Variants in ZNF568 observed in about 807,000 individuals in gnomAD.
ZNF568 encodes the protein zinc finger protein 568.
Under a neutral mutation model 18.1 loss-of-function variants are expected in ZNF568, and 11 were observed. The ratio of observed to expected loss-of-function variants is 0.61; its 90% CI spans 0.38 to 1.00. ZNF568 has a LOEUF of 1.00. ZNF568 is among the 50% of genes least tolerant of loss of function. The probability of loss-of-function intolerance (pLI) is 0.01; values close to 1 mark genes in which losing one functional copy is unlikely to be tolerated. For missense variants in ZNF568, 639 were observed against 768.2 expected (o/e 0.83, Z 1.99); for synonymous variants, 213 against 246.6 (o/e 0.86, Z 1.28).
downstream of ZNF568, among the ~76,000 whole-genome samples, chr19:36,984,153 C>T (rs1371890798): frequency 6.6e-6 from 1 of 152,136 alleles, no homozygotes; most frequent in East Asian, 1.9e-4. Flanking sequence ...CCCACCTCGG[C>T]CTCCCAAAGT....
Position 36,937,206 on chromosome 19 carries a change from G to C in ZNF568, c.322G>C (p.Val108Leu). 1.2e-6 allele frequency: 2 copies of C among 1,614,062 alleles called. No individual in the cohort carries two copies. Among genetic ancestry groups the C allele is most frequent in the Non-Finnish European group, 1.7e-6 (2 of 1,179,930 alleles). Residue 108 changes from valine to leucine, a missense_variant, in exon 6 of 7, where the codon GTG becomes CTG. By Grantham distance (32) the Val-to-Leu change is conservative. Transcript: ENST00000333987. ...GTTGGAGCAAGAAGAGGAGCCCTGG[G>C]TGATGGAGGAAGAAATGTTTGGGAG... ...FKLEQEEEPWVMEEEMFGRHC... is the reference protein window; with the variant it reads ...FKLEQEEEPWLMEEEMFGRHC...
intron 4 of ZNF568, 79 bp downstream of exon 4, chr19:36,925,337 T>C: frequency 3.2e-6 from 4 of 1,237,076 alleles, no homozygotes; most frequent in Non-Finnish European, 4.6e-6. Flanking sequence ...TACCAATGTG[T>C]TGGAAAAAAT....
downstream of ZNF568, among the ~76,000 whole-genome samples, chr19:36,954,053 A>G (rs2074089376): frequency 6.6e-6 from 1 of 151,772 alleles, no homozygotes; most frequent in Admixed American, 6.6e-5. Flanking sequence ...GTGAAAGCCC[A>G]CCTCTACTAA....
chr19:36,957,306 A>G (rs938344639), downstream of ZNF568, among the ~76,000 whole-genome samples: 2 of 132,782 alleles, frequency 1.5e-5, no homozygotes, highest in Non-Finnish European at 3.0e-5. Flanking sequence ...ATCTCGGCTC[A>G]CTGCAATCTC....
downstream of ZNF568, among the ~76,000 whole-genome samples, chr19:36,984,900 G>A (rs2074363102): frequency 6.6e-6 from 1 of 151,840 alleles, no homozygotes; most frequent in Non-Finnish European, 1.5e-5. Flanking sequence ...TGGTGTGATT[G>A]TCTAGGCATG....
chr19:36,970,377 G>A lies in ZNF568; in HGVS notation c.359-4043G>A, dbSNP rs11668552. On this transcript the variant is annotated intron_variant, in intron 6 of 7. Coordinates refer to the ZNF568 transcript ENST00000427117. ...TTTTCTTTCTTTTGGAGACAGTCTCGCTCTGTCGCCCAGGCTGGAGTGCAG... is the reference window on the plus strand; with the variant it reads ...TTTTCTTTCTTTTGGAGACAGTCTCACTCTGTCGCCCAGGCTGGAGTGCAG... Among the ~76,000 whole-genome samples the A allele has an allele frequency of 4.7e-5, 3 of 63,184 alleles. 1 individual carries two copies. Among genetic ancestry groups the A allele is most frequent in the Non-Finnish European group, 7.2e-5 (2 of 27,708 alleles). 41.5% of individuals were successfully genotyped at this position (63,184 alleles called of 152,430 possible).
intron 7 of ZNF568, chr19:36,978,981 TC>T: frequency 1.2e-5 from 4 of 343,486 alleles, no homozygotes; most frequent in South Asian, 4.2e-5. Flanking sequence ...ATTGTAACTA[TC>T]TTTTTTTTTT....
In ZNF568 at chr19:36,951,837, C is replaced by A; in HGVS notation, c.*749C>A. 1 of 508,062 alleles carries A rather than the reference C, an allele frequency of 2.0e-6. No homozygotes were observed. The highest frequency in any genetic ancestry group is 2.5e-6 in the Non-Finnish European group (1 of 394,686). The allele number at this position is 508,062 out of a possible 1,614,324, so 31.5% of individuals were successfully genotyped here. A position where few individuals can be genotyped will look rare whatever the true frequency, so the allele number is the denominator to read the frequency against. On this transcript the variant is annotated 3_prime_UTR_variant, in exon 7 of 7. Coordinates refer to ENST00000333987, the MANE Select transcript of ZNF568 (RefSeq NM_198539.4). ...AGAGACGGGGTTTCACCATGTTGGC[C>A]AGGGTAGTCTTGAACTCCTGACTTC...
chr19:36,921,560 T>C (rs1386662589), intron 2 of ZNF568, among the ~76,000 whole-genome samples: 2 of 152,168 alleles, frequency 1.3e-5, no homozygotes, highest in Non-Finnish European at 2.9e-5. Context: ...TCAAAACTTA[T>C]TATAACTGAA....
intron 2 of ZNF568, among the ~76,000 whole-genome samples, chr19:36,990,606 C>T (rs1400695403): frequency 6.6e-6 from 1 of 152,156 alleles, no homozygotes. Flanking sequence ...CCAAGTGAGA[C>T]TCTGTCTCAA....
intron 6 of ZNF568, among the ~76,000 whole-genome samples, chr19:36,946,723 G>A (rs1480307024): frequency 6.9e-6 from 1 of 144,054 alleles, no homozygotes; most frequent in Non-Finnish European, 1.5e-5. Context: ...TGCAATCTCG[G>A]CTCACCACAA....
In ZNF568 at chr19:36,996,799, A is replaced by T. The variant is rs1236811341; in HGVS notation, c.712A>T (p.Lys238Ter). 17 of 1,554,486 alleles carry T rather than the reference A, an allele frequency of 1.1e-5. No homozygotes were observed. The highest frequency in any genetic ancestry group is 1.4e-5 in the Non-Finnish European group (16 of 1,156,266). ...TACTGGAGAGAAACCTCATAAATGTAAGGAATGTGGGAAAGCCTTTCGTTC... is the reference window on the plus strand; with the variant it reads ...TACTGGAGAGAAACCTCATAAATGTTAGGAATGTGGGAAAGCCTTTCGTTC... Residue 238 changes from lysine to a stop codon, truncating the protein, a stop_gained, in exon 5 of 5, where the codon AAG becomes TAG. Coordinates refer to the ZNF568 transcript ENST00000433993. LOFTEE classifies it low-confidence loss of function (END_TRUNC).
At chr19:36,953,355 A>G (rs1209585900), downstream of ZNF568, among the ~76,000 whole-genome samples, 1 of 152,214 alleles carries the variant, frequency 6.6e-6, no homozygotes, top group Non-Finnish European at 1.5e-5. Context: ...TGAGGTGGCC[A>G]TAAGCAATTG....
chr19:36,959,340 C>T (rs1442399782), intron 6 of ZNF568, among the ~76,000 whole-genome samples: 1 of 152,144 alleles, frequency 6.6e-6, no homozygotes, highest in East Asian at 1.9e-4. Context: ...ATTGACCCAT[C>T]TTTGCATCCC....
chr19:36,949,682 G>T lies in ZNF568; in HGVS notation c.529G>T (p.Asp177Tyr). The T allele has an allele frequency of 1.2e-6, 2 of 1,613,718 alleles. No homozygotes were observed. Among genetic ancestry groups the T allele is most frequent in the South Asian group, 2.2e-5 (2 of 90,974 alleles). The change falls in exon 7 of 7, where the codon GAC becomes TAC. Residue 177 changes from aspartate (D) to tyrosine (Y), a missense_variant. Transcript: ENST00000333987. ...DIVTSRQSFY[D>Y]CDSLDKGLEH... ...TGTTACTTCAAGACAAAGCTTCTAT[G>T]ACTGTGACTCACTTGATAAGGGTTT...
At position 36,919,071 on chromosome 19, in the gene ZNF568, G is replaced by A. The variant is rs187025987; in HGVS notation, c.-186+1423G>A. 5.9e-5 allele frequency among the ~76,000 whole-genome samples: 9 copies of A among 152,230 alleles called. No individual in the cohort carries two copies. In the East Asian group the frequency reaches 1.7e-3, roughly 29 times the overall value. ...GGGCTGCTTCTACCTTTTGGCAATT[G>A]CAAGTGACACTGCTACAAACATGGG... On this transcript the variant is annotated intron_variant, in intron 2 of 6. Transcript: ENST00000333987.
At chr19:36,957,377 G>A (rs1043657044), downstream of ZNF568, among the ~76,000 whole-genome samples, 26 of 151,874 alleles carry the variant, frequency 1.7e-4, no homozygotes, top group African/African-American at 5.1e-4. Flanking sequence ...GATTACAGGC[G>A]CCTGCCACCA....
intron 7 of ZNF568, among the ~76,000 whole-genome samples, chr19:36,975,681 C>CTTTTTTTT (rs1193440344): frequency 0.011 from 815 of 75,742 alleles, 136 homozygotes; most frequent in African/African-American, 0.023. Flanking sequence ...CGCGCCAAGA[C>CTTTTTTTT]TTTTTTTTTT....
intron 4 of ZNF568, among the ~76,000 whole-genome samples, chr19:36,992,488 C>T (rs1176473413): frequency 1.3e-5 from 2 of 151,866 alleles, no homozygotes; most frequent in African/African-American, 2.4e-5. Context: ...GGTGACAAAG[C>T]GAGACTCCAT....
Sources: allele counts gnomAD v4.1 joint callset (sites outside exome capture counted in the v4.1 genomes callset), GRCh38; gene constraint gnomAD v4.1.1; transcripts MANE v1.5; gene names NCBI Gene and HGNC (gene_info 2026-07-23, HGNC 2026-07-21).